ANTXR1: variants seen among roughly 807,000 people sequenced by gnomAD.
ANTXR1 encodes the protein ANTXR cell adhesion molecule 1, also known as anthrax toxin receptor 1.
In ANTXR1, 19 loss-of-function variants were observed where a neutral mutation model predicts 78.1. The observed-to-expected ratio is 0.24, with a 90% CI of 0.17 to 0.36. The LOEUF (loss-of-function observed/expected upper bound fraction) is 0.36. Ranked by LOEUF, ANTXR1 falls within the 10% of genes least tolerant of loss-of-function variation. ANTXR1 has a pLI of 1.00. For synonymous variants in ANTXR1, 273 were observed against 260.5 expected, an observed-to-expected ratio of 1.05 and a Z score of -0.46; for missense variants, 518 against 718.6, an observed-to-expected ratio of 0.72 and a Z score of 3.19.
Position 69,201,501 on chromosome 2 carries a change from A to C in ANTXR1, c.1434+8086A>C, listed in dbSNP as rs1055605601. Among the ~76,000 whole-genome samples, 98 of 152,192 alleles carry C rather than the reference A, an allele frequency of 6.4e-4. 3 individuals carry two copies. The highest frequency in any genetic ancestry group is 1.2e-4 in the Non-Finnish European group (8 of 68,028). On this transcript the variant is annotated intron_variant, in intron 17 of 17. Transcript: ENST00000303714. ...TCCACCCTGAGGACAGTAGAGACTT[A>C]CTGCAAGAGTTTTAAGCAGAGGCGC... is the stretch of plus-strand genomic sequence containing the variant.
At chr2:69,113,311 C>T (rs1384941732) in intron 10 of ANTXR1, among the ~76,000 whole-genome samples, 1 of 152,266 alleles carries the variant, frequency 6.6e-6, no homozygotes, top group Non-Finnish European at 1.5e-5. Flanking sequence ...AATACTGCTC[C>T]TCTGCCATTT....
chr2:69,032,642 GT>G lies in ANTXR1; in HGVS notation c.153-7400del, dbSNP rs147126369. On this transcript the variant is annotated intron_variant, in intron 1 of 17. Transcript: ENST00000303714. ...TTCAATTATGGGAAATACCTTTTGG[GT>G]TACTAACCCATTGTCTGTATTCTTA... is the stretch of plus-strand genomic sequence containing the variant. Among the ~76,000 whole-genome samples, 1,449 of 152,210 alleles carry G rather than the reference GT, an allele frequency of 9.5e-3. 22 individuals are homozygous for G. Among genetic ancestry groups the G allele is most frequent in the African/African-American group, 0.033 (1,363 of 41,520 alleles).
chr2:69,134,178 G>A (rs1672842786), intron 12 of ANTXR1, among the ~76,000 whole-genome samples: 1 of 152,146 alleles, frequency 6.6e-6, no homozygotes, highest in Non-Finnish European at 1.5e-5. Context: ...CAGTACCAAG[G>A]ACACTCCAAG....
At chr2:69,091,112 G>C (rs1351992539) in intron 9 of ANTXR1, among the ~76,000 whole-genome samples, 193 bp downstream of exon 9, 1 of 137,192 alleles carries the variant, frequency 7.3e-6, no homozygotes, top group Non-Finnish European at 1.6e-5. Context: ...TCAGTTGTTT[G>C]GAAGTTAAAA....
At chr2:69,099,675 T>G (rs1372702928) in intron 9 of ANTXR1, among the ~76,000 whole-genome samples, 2 of 152,222 alleles carry the variant, frequency 1.3e-5, no homozygotes, top group Non-Finnish European at 2.9e-5. Context: ...GGTTTGTACT[T>G]CCATGTGACT....
chr2:69,084,094 C>A (rs1293795797), intron 8 of ANTXR1, among the ~76,000 whole-genome samples: 1 of 152,214 alleles, frequency 6.6e-6, no homozygotes, highest in Non-Finnish European at 1.5e-5. Context: ...TCCTGCAGCC[C>A]CTCCTCCTAT....
At chr2:69,134,755 A>G (rs1350087183) in intron 12 of ANTXR1, among the ~76,000 whole-genome samples, 1 of 151,944 alleles carries the variant, frequency 6.6e-6, no homozygotes, top group African/African-American at 2.4e-5. Flanking sequence ...AGATTGGCCA[A>G]CCTCCACCTA....
At chr2:69,049,705 T>C (rs13035230) in intron 3 of ANTXR1, among the ~76,000 whole-genome samples, 1 of 152,196 alleles carries the variant, frequency 6.6e-6, no homozygotes, top group Non-Finnish European at 1.5e-5. Context: ...GTAGTATCTG[T>C]GATTAATTCT....
chr2:69,091,821 C>T (rs766718159), intron 9 of ANTXR1, among the ~76,000 whole-genome samples: 14 of 152,316 alleles, frequency 9.2e-5, no homozygotes, highest in Middle Eastern at 3.4e-3. Context: ...AAGAATTAGC[C>T]TTCTTCGAGT....
At chr2:69,015,618 A>G (rs1671003464) in intron 1 of ANTXR1, among the ~76,000 whole-genome samples, 2 of 152,132 alleles carry the variant, frequency 1.3e-5, no homozygotes, top group Admixed American at 1.3e-4. Flanking sequence ...TTGAAAATCT[A>G]AATATTTAGA....
At chr2:69,210,397 C>T (rs1010660768) in intron 17 of ANTXR1, among the ~76,000 whole-genome samples, 32 of 152,264 alleles carry the variant, frequency 2.1e-4, no homozygotes, top group African/African-American at 6.3e-4. Context: ...AATAAGGAGG[C>T]CTTGCTATAT....
At chr2:69,034,782 A>G (rs933052703) in intron 1 of ANTXR1, among the ~76,000 whole-genome samples, 3 of 152,212 alleles carry the variant, frequency 2.0e-5, no homozygotes, top group South Asian at 4.1e-4. Context: ...TGGGTGGGCC[A>G]TACTATCTGA....
At chr2:69,114,927 T>G (rs931415618) in intron 10 of ANTXR1, among the ~76,000 whole-genome samples, 9 of 152,208 alleles carry the variant, frequency 5.9e-5, no homozygotes, top group Non-Finnish European at 1.3e-4. Flanking sequence ...CCTGCAGGCA[T>G]GAACTACAGA....
chr2:69,106,589 G>A (rs1558553518), intron 10 of ANTXR1, among the ~76,000 whole-genome samples: 1 of 152,206 alleles, frequency 6.6e-6, no homozygotes, highest in South Asian at 2.1e-4. Context: ...ATTTAATTGG[G>A]CAAGGAAGCA....
intron 3 of ANTXR1, among the ~76,000 whole-genome samples, chr2:69,046,168 T>C (rs1233463885): frequency 6.6e-6 from 1 of 152,158 alleles, no homozygotes; most frequent in Non-Finnish European, 1.5e-5. Flanking sequence ...GTTCTTCACA[T>C]CCTCCTACAA....
At chr2:69,197,283 C>T (rs957408023) in intron 17 of ANTXR1, among the ~76,000 whole-genome samples, 1 of 152,210 alleles carries the variant, frequency 6.6e-6, no homozygotes, top group Non-Finnish European at 1.5e-5. Flanking sequence ...CAGTAGGTAG[C>T]CACCACAGTG....
At chr2:69,158,752 G>C (rs1673596989) in intron 13 of ANTXR1, among the ~76,000 whole-genome samples, 1 of 152,176 alleles carries the variant, frequency 6.6e-6, no homozygotes, top group South Asian at 2.1e-4. Context: ...TCAGTGTTCT[G>C]TGAGCACATT....
At chr2:69,161,474 G>A (rs952039553) in intron 13 of ANTXR1, among the ~76,000 whole-genome samples, 5 of 152,150 alleles carry the variant, frequency 3.3e-5, no homozygotes, top group Non-Finnish European at 5.9e-5. Flanking sequence ...ACCATCCTTT[G>A]CTAAACTTTT....
At chr2:69,151,884 T>G (rs1347873763) in intron 12 of ANTXR1, among the ~76,000 whole-genome samples, 1 of 152,220 alleles carries the variant, frequency 6.6e-6, no homozygotes, top group African/African-American at 2.4e-5. Flanking sequence ...GAAGTCCATG[T>G]TCATGCCTGC....
Sources: gnomAD v4.1 joint callset for allele counts (sites outside exome capture counted in the v4.1 genomes callset) on GRCh38, gnomAD v4.1.1 for gene constraint, MANE v1.5 for transcripts, NCBI Gene and HGNC (gene_info 2026-07-23, HGNC 2026-07-21) for gene names.